RWDD1: variants seen among roughly 807,000 people sequenced by gnomAD.
The protein encoded by RWDD1 is RWD domain containing 1.
A neutral mutation model predicts 31.6 loss-of-function variants in RWDD1; 17 were observed. The ratio of observed to expected loss-of-function variants is 0.54; its 90% CI spans 0.37 to 0.81. The LOEUF is 0.81. Among genes scored for constraint, RWDD1 ranks in the 30% least tolerant of loss-of-function variants. The pLI, the probability that RWDD1 is intolerant of heterozygous loss-of-function variation, is 0.00. For missense variants in RWDD1, 204 were observed against 274.5 expected (o/e 0.74, Z 1.82); for synonymous variants, 78 against 94.2 (o/e 0.83, Z 0.99).
chr6:116,592,861 A>C, intron 6 of RWDD1, 119 bp from the exon 7 acceptor site: 1 of 1,080,954 alleles, frequency 9.3e-7, no homozygotes, highest in Non-Finnish European at 1.3e-6. Flanking sequence ...GGATTTCATC[A>C]CTCCTACCTC....
Position 116,593,146 on chromosome 6 carries a change from G to T in RWDD1, c.*45G>T. 1 of 1,572,940 alleles carries T rather than the reference G, an allele frequency of 6.4e-7. No homozygotes were observed. Among genetic ancestry groups the T allele is most frequent in the Non-Finnish European group, 8.6e-7 (1 of 1,160,532 alleles). On this transcript the variant is annotated 3_prime_UTR_variant, in exon 7 of 7. Transcript: ENST00000466444. The stretch of plus-strand genomic sequence containing the variant: ...GAGAGGCTTGACTGCCACAGCATCT[G>T]TGGCTATGCTCAGAGGGTTATGATT...
rs572853865 is a variant in RWDD1 at position 116,571,539 on chromosome 6, C to A, written c.-44C>A. On this transcript the variant is annotated 5_prime_UTR_variant, in exon 1 of 7. Transcript: ENST00000466444. The stretch of plus-strand genomic sequence containing the variant: ...GGCAGCTGTCTGGGCTGCTGCGCGC[C>A]GCCTAGGTGTCTGGGCGATCTATGG... 1.6e-5 allele frequency: 26 copies of A among 1,591,566 alleles called. No individual in the cohort carries two copies. Among genetic ancestry groups the A allele is most frequent in the East Asian group, 1.4e-4 (6 of 43,828 alleles).
chr6:116,584,825 G>C lies in RWDD1; in HGVS notation c.238G>C (p.Val80Leu). ...FSQENLEDND[V>L]SDILKLLALQ... ...CCAGGAAAATCTAGAAGATAATGAT[G>C]TCTCAGACATTTTAAAATTACTAGC... The change falls in exon 3 of 7, where the codon GTC becomes CTC. Residue 80 changes from valine (V) to leucine (L), a missense_variant. Transcript: ENST00000466444. 1 of 1,593,592 alleles carries C rather than the reference G, an allele frequency of 6.3e-7. No homozygotes were observed. The highest frequency in any genetic ancestry group is 1.1e-5 in the South Asian group (1 of 90,602).
chr6:116,586,191 T>C (rs1168277932), intron 3 of RWDD1, among the ~76,000 whole-genome samples: 2 of 152,168 alleles, frequency 1.3e-5, no homozygotes, highest in Non-Finnish European at 2.9e-5. Flanking sequence ...AAATAATCGT[T>C]ATAATTTTCC....
Position 116,584,940 on chromosome 6 carries a change from C to G in RWDD1, c.270+83C>G. 3 of 1,122,478 alleles carry G rather than the reference C, an allele frequency of 2.7e-6. No homozygotes were observed. In the South Asian group the frequency reaches 4.2e-5, roughly 16 times the overall value. The allele number at this position is 1,122,478 out of a possible 1,614,324, so 69.5% of individuals were successfully genotyped here. On this transcript the variant is annotated intron_variant, in intron 3 of 6. Transcript: ENST00000466444. ...TATTAATTTCAAGAGTTAGAAAATG[C>G]TATTGTGTAAACAGAACATTGACCA... is the stretch of plus-strand genomic sequence containing the variant.
At chr6:116,576,936 G>A (rs566119804) in intron 1 of RWDD1, among the ~76,000 whole-genome samples, 9 of 152,278 alleles carry the variant, frequency 5.9e-5, no homozygotes, top group African/African-American at 2.2e-4. Flanking sequence ...GCCTTGTCAG[G>A]GACTTAGATG....
chr6:116,575,902 A>C lies in RWDD1; in HGVS notation c.73+4247A>C, dbSNP rs183145681. 7.2e-5 allele frequency among the ~76,000 whole-genome samples: 11 copies of C among 152,338 alleles called. No homozygotes were observed. The East Asian group carries it at 2.1e-3, about 29-fold the overall frequency. On this transcript the variant is annotated intron_variant, in intron 1 of 6. Coordinates refer to ENST00000466444, the MANE Select transcript of RWDD1 (RefSeq NM_015952.4). ...GCAGTTTCTTAAGGAAATTTCCTGG[A>C]AACTGTCAGAGGGCATATCTACTTC...
At chr6:116,585,093 C>T (rs1420539016) in intron 3 of RWDD1, among the ~76,000 whole-genome samples, 2 of 152,096 alleles carry the variant, frequency 1.3e-5, no homozygotes, top group Non-Finnish European at 2.9e-5. Context: ...TGGCTTTTTC[C>T]CTCATGTCAT....
In RWDD1 at chr6:116,593,451, C is replaced by T. The variant is rs953733061; in HGVS notation, c.*350C>T. The stretch of plus-strand genomic sequence containing the variant: ...TCTATGCTGGAGACTTTGGCTACTT[C>T]TGGATTTCAAGCATTGTATGAAGTG... On this transcript the variant is annotated 3_prime_UTR_variant, in exon 7 of 7. Transcript: ENST00000466444. The T allele has an allele frequency of 1.2e-5, 2 of 160,996 alleles. No homozygotes were observed. The highest frequency in any genetic ancestry group is 4.8e-5 in the African/African-American group (2 of 41,700). The allele number at this position is 160,996 out of a possible 1,614,324, so 10.0% of individuals were successfully genotyped here.
rs955711597 is a variant in RWDD1 at position 116,594,008 on chromosome 6, A to G, written c.*907A>G. 6.8e-6 allele frequency: 1 copy of G among 146,256 alleles called. No individual in the cohort carries two copies. Among genetic ancestry groups the G allele is most frequent in the African/African-American group, 2.7e-5 (1 of 37,366 alleles). 9.1% of individuals were successfully genotyped at this position (146,256 alleles called of 1,614,324 possible). ...ATGACCAGAAAGTTGAAGATTGGGTATCTGCATCTGGTGAGAGCCTCACGC... is the reference window on the plus strand; with the variant it reads ...ATGACCAGAAAGTTGAAGATTGGGTGTCTGCATCTGGTGAGAGCCTCACGC... On this transcript the variant is annotated 3_prime_UTR_variant, in exon 7 of 7. Transcript: ENST00000466444.
intron 2 of RWDD1, among the ~76,000 whole-genome samples, chr6:116,581,181 A>G (rs886073248): frequency 6.6e-6 from 1 of 152,134 alleles, no homozygotes; most frequent in Non-Finnish European, 1.5e-5. Flanking sequence ...GATAACCAAT[A>G]TACTTTTGCA....
intron 1 of RWDD1, among the ~76,000 whole-genome samples, chr6:116,573,590 C>T (rs1243341680): frequency 6.6e-6 from 1 of 152,132 alleles, no homozygotes; most frequent in Admixed American, 6.5e-5. Context: ...TAAAATGTTT[C>T]CATGTTTGAT....
chr6:116,585,892 C>T (rs1426836865), intron 3 of RWDD1, among the ~76,000 whole-genome samples: 2 of 152,070 alleles, frequency 1.3e-5, no homozygotes, highest in African/African-American at 4.8e-5. Flanking sequence ...CTCCTGGGCT[C>T]AAGTGATCCT....
chr6:116,578,171 C>A (rs1309742539), intron 1 of RWDD1, among the ~76,000 whole-genome samples: 1 of 152,162 alleles, frequency 6.6e-6, no homozygotes. Flanking sequence ...ATCTCAGTTT[C>A]CACATCTGTA....
intron 2 of RWDD1, among the ~76,000 whole-genome samples, chr6:116,583,402 G>T (rs373179831): frequency 1.3e-5 from 2 of 152,054 alleles, no homozygotes; most frequent in South Asian, 4.1e-4. Flanking sequence ...GGGTACAAAG[G>T]TTCAGTTATA....
chr6:116,572,766 C>G (rs1420495887), intron 1 of RWDD1: 1 of 788,674 alleles, frequency 1.3e-6, no homozygotes, highest in African/African-American at 1.9e-5. Flanking sequence ...ATTCCAACCC[C>G]TCTCCCTTTC....
At chr6:116,585,234 CT>C (rs1321793887) in intron 3 of RWDD1, among the ~76,000 whole-genome samples, 1 of 150,694 alleles carries the variant, frequency 6.6e-6, no homozygotes, top group African/African-American at 2.4e-5. Context: ...CCCTCTCTGA[CT>C]TTTACATGCT....
Position 116,590,298 on chromosome 6 carries a change from A to G in RWDD1, c.441A>G (p.Thr147=), listed in dbSNP as rs1203936485. ...EKQLFHGTPV[T]IENFLNWKAK... ...AATTATTCCATGGTACTCCAGTTAC[A>G]ATTGAGAATTTCTTAAATTGGAAAG... The change falls in exon 5 of 7, where the codon ACA becomes ACG. Residue 147 remains threonine, a synonymous_variant. Coordinates refer to ENST00000466444, the MANE Select transcript of RWDD1 (RefSeq NM_015952.4). The G allele has an allele frequency of 2.5e-6, 4 of 1,590,700 alleles. No homozygotes were observed. The highest frequency in any genetic ancestry group is 3.4e-6 in the Non-Finnish European group (4 of 1,171,028).
At chr6:116,576,082 C>CT (rs944280076) in intron 1 of RWDD1, among the ~76,000 whole-genome samples, 1 of 152,194 alleles carries the variant, frequency 6.6e-6, no homozygotes, top group African/African-American at 2.4e-5. Context: ...TTCCCAAAAT[C>CT]TTTTTTCTTT....
Sources: allele counts gnomAD v4.1 joint callset (sites outside exome capture counted in the v4.1 genomes callset), GRCh38; gene constraint gnomAD v4.1.1; transcripts MANE v1.5; gene names NCBI Gene and HGNC (gene_info 2026-07-23, HGNC 2026-07-21).